The following SPDYE3 variants were observed in gnomAD, a reference collection of about 807,000 sequenced individuals.
The protein encoded by SPDYE3 is speedy/RINGO cell cycle regulator family member E3.
SPDYE3 carries 15 observed loss-of-function variants against 55.0 expected under a neutral mutation model. That is an observed-to-expected ratio of 0.27 (90% confidence interval 0.18 to 0.42). The LOEUF (loss-of-function observed/expected upper bound fraction) is 0.42. SPDYE3 is among the 10% of genes least tolerant of loss of function. SPDYE3 has a pLI of 1.00. For synonymous variants in SPDYE3, 89 were observed against 229.9 expected (o/e 0.39, Z 5.55); for missense variants, 236 against 576.7 (o/e 0.41, Z 6.05).
intron 10 of SPDYE3, 147 bp downstream of exon 10, chr7:100,320,182 G>A (rs551980263): frequency 1.5e-4 from 212 of 1,453,586 alleles, no homozygotes; most frequent in Non-Finnish European, 1.9e-4. Flanking sequence ...GCCAGGCGAT[G>A]TGGGAGGCAT....
rs575066768 is a variant in SPDYE3 at position 100,319,712 on chromosome 7, G to T, written c.1494G>T (p.Lys498Asn). The change falls in exon 9 of 11, where the codon AAG becomes AAT. Residue 498 changes from lysine to asparagine, a missense_variant. Physicochemically the swap from Lys to Asn is moderately conservative, Grantham distance 94. Transcript: ENST00000332397. ...LCRPMNPRAR[K>N]NCSQIALFQK... ...GTCCCATGAACCCGAGGGCCAGGAA[G>T]AACTGCTCTCAGATAGCCTTGTTCC... is the stretch of plus-strand genomic sequence containing the variant. The T allele has an allele frequency of 1.9e-6, 3 of 1,614,212 alleles. No homozygotes were observed. The South Asian group carries it at 3.3e-5, about 18-fold the overall frequency.
At chr7:100,320,844 T>C (rs1039784922) in intron 10 of SPDYE3, 47 bp from the exon 11 acceptor site, 11 of 1,175,196 alleles carry the variant, frequency 9.4e-6, no homozygotes, top group Non-Finnish European at 1.3e-5. Flanking sequence ...CCTTCCTGTC[T>C]AGAGAGCTGT....
chr7:100,319,390 C>T (rs930529303), intron 8 of SPDYE3, among the ~76,000 whole-genome samples, 175 bp from the exon 9 acceptor site: 5 of 152,166 alleles, frequency 3.3e-5, no homozygotes, highest in Admixed American at 3.3e-4. Flanking sequence ...GTGGGAGATG[C>T]CCTTGATCAG....
chr7:100,308,110 A>G, intron 1 of SPDYE3, 119 bp downstream of exon 1: 1 of 1,311,078 alleles, frequency 7.6e-7, no homozygotes, highest in African/African-American at 1.5e-5. Context: ...CGGGCAGATC[A>G]CCTGAGGTCA....
rs191781868 is a variant in SPDYE3, at chr7:100,317,631, A to C, written c.1346+476A>C. ...AAACAAAAGAGCCAAAAAAAAAAAA[A>C]CAGGCAAAAAAACCAAACTCCAATG... On this transcript the variant is annotated intron_variant, in intron 8 of 10. Transcript: ENST00000332397. Among the ~76,000 whole-genome samples, 276 of 150,944 alleles carry C rather than the reference A, an allele frequency of 1.8e-3. 2 individuals carry two copies. The highest frequency in any genetic ancestry group is 7.5e-3 in the South Asian group (36 of 4,798).
At chr7:100,309,493 G>A (rs1316476893) in intron 2 of SPDYE3, among the ~76,000 whole-genome samples, 4 of 139,714 alleles carry the variant, frequency 2.9e-5, no homozygotes, top group East Asian at 2.0e-4. Flanking sequence ...TCAGGACTTC[G>A]AGGCTGCAGT....
rs373632508 is a variant in SPDYE3, at chr7:100,315,849, G to C, written c.1260+6G>C. Reference sequence around the variant, plus strand: ...ATCTGAGGGTGTCAGACAAGGTAAGGTTGTTCTCTATGTAACTGTGTTCCT... The same window carrying C: ...ATCTGAGGGTGTCAGACAAGGTAAGCTTGTTCTCTATGTAACTGTGTTCCT... On this transcript the variant is annotated splice_donor_region_variant and intron_variant, in intron 7 of 10. Transcript: ENST00000332397. The C allele has an allele frequency of 7.5e-6, 12 of 1,600,006 alleles. No individual in the cohort carries two copies. The African/African-American group carries it at 1.6e-4, about 21-fold the overall frequency.
chr7:100,319,432 G>A, intron 8 of SPDYE3, 133 bp from the exon 9 acceptor site: 1 of 1,473,264 alleles, frequency 6.8e-7, no homozygotes, highest in South Asian at 1.3e-5. Flanking sequence ...CCTGAGGAAG[G>A]CGTGGCTCTC....
At chr7:100,316,218 G>A (rs1196451412) in intron 7 of SPDYE3, among the ~76,000 whole-genome samples, 1 of 152,142 alleles carries the variant, frequency 6.6e-6, no homozygotes, top group Non-Finnish European at 1.5e-5. Flanking sequence ...TGATCCACCC[G>A]CCTTGGCCTC....
In SPDYE3 at chr7:100,310,378, GC is replaced by G. The variant is rs1805931422; in HGVS notation, c.350del (p.Pro117HisfsTer43). The part of the protein sequence containing the change: ...NRLLAPGVDP[S>X]PPRRSLGCKR... Reference sequence around the variant, plus strand: ...TACTCAGCCCCTGGGGTAGATCCCAGCCCCCCACGTAGGTCCCTTGGCTGCA... The same window carrying G: ...TACTCAGCCCCTGGGGTAGATCCCAGCCCCCACGTAGGTCCCTTGGCTGCA... On this transcript the variant is annotated frameshift_variant, in exon 3 of 11. Transcript: ENST00000332397. LOFTEE classifies it high-confidence loss of function. 1.4e-5 allele frequency: 12 copies of G among 878,128 alleles called. No homozygotes were observed. In the South Asian group the frequency reaches 1.5e-4, roughly 11 times the overall value. 54.4% of individuals were successfully genotyped at this position (878,128 alleles called of 1,614,324 possible).
rs531256459 is a variant in SPDYE3, at chr7:100,308,588, A to G, written c.107-386A>G. 1.2e-4 allele frequency among the ~76,000 whole-genome samples: 19 copies of G among 152,036 alleles called. No individual in the cohort carries two copies. In the South Asian group the frequency reaches 3.5e-3, roughly 28 times the overall value. On this transcript the variant is annotated intron_variant, in intron 1 of 10. Transcript: ENST00000332397. ...GCTGGGCATTATGGCAGGCACCTGTAATCCCAGCTACCTGAGAGGCTGAGG... is the reference window on the plus strand; with the variant it reads ...GCTGGGCATTATGGCAGGCACCTGTGATCCCAGCTACCTGAGAGGCTGAGG...
chr7:100,319,882 G>A, intron 9 of SPDYE3, 49 bp from the exon 10 acceptor site: 3 of 1,613,326 alleles, frequency 1.9e-6, no homozygotes, highest in African/African-American at 1.3e-5. Flanking sequence ...GGGGAGAGAG[G>A]GGTATCCTGG....
chr7:100,320,825 C>A, intron 10 of SPDYE3, 66 bp from the exon 11 acceptor site: 1 of 1,120,168 alleles, frequency 8.9e-7, no homozygotes, highest in Non-Finnish European at 1.2e-6. Flanking sequence ...TGACATGGGA[C>A]GTGAATAACC....
At chr7:100,309,421 G>A (rs1479199205) in intron 2 of SPDYE3, among the ~76,000 whole-genome samples, 77 of 126,116 alleles carry the variant, frequency 6.1e-4, no homozygotes, top group African/African-American at 2.1e-3. Context: ...TGGGCCAGGC[G>A]CTGTGGCTCC....
At chr7:100,320,561 GAC>G in intron 10 of SPDYE3, 4 of 963,566 alleles carry the variant, frequency 4.2e-6, no homozygotes, top group Non-Finnish European at 5.2e-6. Flanking sequence ...GATCTGAAGT[GAC>G]ACAAAAGACC....
intron 8 of SPDYE3, 97 bp from the exon 9 acceptor site, chr7:100,319,468 T>C: frequency 1.3e-6 from 2 of 1,588,994 alleles, no homozygotes; most frequent in Middle Eastern, 2.0e-4. Flanking sequence ...AGTCCTGAGC[T>C]AGGGACGGTC....
At chr7:100,317,911 G>A (rs920840880) in intron 8 of SPDYE3, among the ~76,000 whole-genome samples, 9 of 147,230 alleles carry the variant, frequency 6.1e-5, no homozygotes, top group African/African-American at 2.0e-4. Context: ...GGGAGGCGGA[G>A]CTTGCAGTGA....
At chr7:100,312,267 T>C (rs1431466693) in intron 4 of SPDYE3, among the ~76,000 whole-genome samples, 2 of 142,810 alleles carry the variant, frequency 1.4e-5, no homozygotes. Context: ...ACTCAGGACT[T>C]TGAGGCTGCA....
chr7:100,312,695 T>G (rs1306450400), intron 4 of SPDYE3, among the ~76,000 whole-genome samples: 1 of 135,218 alleles, frequency 7.4e-6, no homozygotes, highest in Non-Finnish European at 1.6e-5. Context: ...GCCAACATGG[T>G]GAAACCCCCG....
Sources: allele counts gnomAD v4.1 joint callset (sites outside exome capture counted in the v4.1 genomes callset), GRCh38; gene constraint gnomAD v4.1.1; transcripts MANE v1.5; gene names NCBI Gene and HGNC (gene_info 2026-07-23, HGNC 2026-07-21).